Variants in CHKA observed in about 807,000 individuals in gnomAD.
CHKA encodes the protein CHETK-alpha.
CHKA carries 34 observed loss-of-function variants against 60.1 expected under a neutral mutation model. That is an observed-to-expected ratio of 0.57 (90% CI 0.43 to 0.75). CHKA has a LOEUF of 0.75. Among genes scored for constraint, CHKA ranks in the 30% least tolerant of loss-of-function variants. CHKA has a pLI of 0.00. For synonymous variants in CHKA, 217 were observed against 223.1 expected, an observed-to-expected ratio of 0.97 and a Z score of 0.24; for missense variants, 563 against 561.3, an observed-to-expected ratio of 1.00 and a Z score of -0.03.
intron 1 of CHKA, among the ~76,000 whole-genome samples, chr11:68,102,560 A>G (rs1857765460): frequency 6.6e-6 from 1 of 152,242 alleles, no homozygotes; most frequent in African/African-American, 2.4e-5. Context: ...TCCAAAATGG[A>G]TCGAAAACTT....
intron 2 of CHKA, among the ~76,000 whole-genome samples, chr11:68,091,998 A>G (rs1857364249): frequency 6.6e-6 from 1 of 152,210 alleles, no homozygotes; most frequent in Admixed American, 6.5e-5. Flanking sequence ...AGTAGACTTC[A>G]ATTAACATTT....
chr11:68,073,879 C>T (rs528116367), intron 4 of CHKA, among the ~76,000 whole-genome samples: 129 of 152,238 alleles, frequency 8.5e-4, no homozygotes, highest in Non-Finnish European at 1.5e-3. Context: ...GATTCTAGTC[C>T]TCAAGGAACT....
chr11:68,061,209 C>T (rs931384332), intron 11 of CHKA, among the ~76,000 whole-genome samples: 6 of 145,038 alleles, frequency 4.1e-5, no homozygotes, highest in Non-Finnish European at 5.9e-5. Context: ...TGGGTTCAAG[C>T]GGTTCTCCTG....
intron 11 of CHKA, among the ~76,000 whole-genome samples, chr11:68,061,192 C>T (rs1221851408): frequency 6.7e-6 from 1 of 148,978 alleles, no homozygotes; most frequent in Non-Finnish European, 1.5e-5. Flanking sequence ...CTGCAACCTC[C>T]ACCTCCTGGG....
At chr11:68,055,101 T>C (rs1189781480) in intron 11 of CHKA, among the ~76,000 whole-genome samples, 1 of 152,134 alleles carries the variant, frequency 6.6e-6, no homozygotes, top group Admixed American at 6.6e-5. Context: ...CGATTATAAA[T>C]GAAGGTGCAG....
At position 68,102,401 on chromosome 11, in the gene CHKA, C is replaced by T. The variant is rs185166100; in HGVS notation, c.351-5271G>A. Among the ~76,000 whole-genome samples, 224 of 152,234 alleles carry T rather than the reference C, an allele frequency of 1.5e-3. 1 individual carries two copies. Among genetic ancestry groups the T allele is most frequent in the Non-Finnish European group, 1.9e-3 (131 of 68,012 alleles). ...CAGAATAAAAGCCCACAAATTAATCCACACTTACAGCTACCTGATTTTCAA... is the reference window on the plus strand; with the variant it reads ...CAGAATAAAAGCCCACAAATTAATCTACACTTACAGCTACCTGATTTTCAA... On this transcript the variant is annotated intron_variant, in intron 1 of 11. Coordinates refer to ENST00000265689, the MANE Select transcript of CHKA (RefSeq NM_001277.3).
At chr11:68,103,757 C>CA (rs1307353590) in intron 1 of CHKA, among the ~76,000 whole-genome samples, 1 of 151,270 alleles carries the variant, frequency 6.6e-6, no homozygotes, top group East Asian at 1.9e-4. Flanking sequence ...ATTAAAAAAA[C>CA]AAAAAAATTA....
At chr11:68,116,887 C>CGAAGAG in intron 1 of CHKA, among the ~76,000 whole-genome samples, 1 of 152,164 alleles carries the variant, frequency 6.6e-6, no homozygotes, top group Middle Eastern at 3.4e-3. Flanking sequence ...TTCCCTATAC[C>CGAAGAG]ACTCATAGTT....
At chr11:68,078,174 C>G (rs996938146) in intron 3 of CHKA, among the ~76,000 whole-genome samples, 8 of 152,162 alleles carry the variant, frequency 5.3e-5, no homozygotes, top group African/African-American at 1.9e-4. Flanking sequence ...AAACACTATC[C>G]CCACAGCAAT....
At chr11:68,096,449 C>G (rs951003168) in intron 2 of CHKA, among the ~76,000 whole-genome samples, 1 of 152,036 alleles carries the variant, frequency 6.6e-6, no homozygotes, top group Non-Finnish European at 1.5e-5. Context: ...TAAACCCAGA[C>G]AAGTTGGGAT....
chr11:68,062,019 A>G lies in CHKA; in HGVS notation c.1248T>C (p.Ser416=), dbSNP rs1396463079. 18 of 1,593,864 alleles carry G rather than the reference A, an allele frequency of 1.1e-5. No homozygotes were observed. Among genetic ancestry groups the G allele is most frequent in the Non-Finnish European group, 1.5e-5 (18 of 1,169,030 alleles). ...LLEVNRFALA[S]HFLWGLWSIV... ...TGGACCACAGTCCCCAGAGGAAATG[A>G]GATGCAAGGGCAAACCTGGAATGAT... Residue 416 remains serine, a synonymous_variant, in exon 11 of 12, where the codon TCT becomes TCC. Coordinates refer to ENST00000265689, the MANE Select transcript of CHKA (RefSeq NM_001277.3).
chr11:68,095,924 C>T (rs1857500008), intron 2 of CHKA, among the ~76,000 whole-genome samples: 1 of 149,976 alleles, frequency 6.7e-6, no homozygotes, highest in African/African-American at 2.5e-5. Flanking sequence ...CCCATAATCC[C>T]AGCTACTCGG....
In CHKA at chr11:68,121,354, G is replaced by C. The variant is rs1193761214; in HGVS notation, c.-177C>G. The stretch of plus-strand genomic sequence containing the variant: ...GCGGCGACTGCGGCGACTGTGGAGC[G>C]GGGATGTGCTGCTGGCCGCTGCACT... On this transcript the variant is annotated 5_prime_UTR_variant, in exon 1 of 12. Coordinates refer to ENST00000265689, the MANE Select transcript of CHKA (RefSeq NM_001277.3). 3.6e-5 allele frequency: 6 copies of C among 165,588 alleles called. No homozygotes were observed. The highest frequency in any genetic ancestry group is 6.2e-5 in the Non-Finnish European group (6 of 96,016). 10.3% of individuals were successfully genotyped at this position (165,588 alleles called of 1,614,324 possible). A position where few individuals can be genotyped will look rare whatever the true frequency, so the allele number is the denominator to read the frequency against.
chr11:68,095,806 G>A (rs1300168107), intron 2 of CHKA, among the ~76,000 whole-genome samples: 3 of 150,912 alleles, frequency 2.0e-5, no homozygotes, highest in Non-Finnish European at 4.4e-5. Context: ...CCGCGAGAGG[G>A]TGAGGCGGGC....
At chr11:68,105,686 A>G (rs1483537295) in intron 1 of CHKA, among the ~76,000 whole-genome samples, 1 of 152,170 alleles carries the variant, frequency 6.6e-6, no homozygotes, top group Admixed American at 6.5e-5. Context: ...GCTTAGGCAG[A>G]TGACAAACCT....
Position 68,120,991 on chromosome 11 carries a change from G to A in CHKA, c.187C>T (p.Leu63=). Residue 63 remains leucine, a synonymous_variant, in exon 1 of 12, where the codon CTG becomes TTG. Coordinates refer to ENST00000265689, the MANE Select transcript of CHKA (RefSeq NM_001277.3). ...PPLALPPPPP[L]PLPLPLPQPP... ...TGGGGCAGCGGCAGCGGCAGCGGCA[G>A]CGGCGGCGGAGGGGGCAGCGCGAGC... The A allele has an allele frequency of 1.8e-6, 2 of 1,121,120 alleles. No individual in the cohort carries two copies. The highest frequency in any genetic ancestry group is 2.2e-6 in the Non-Finnish European group (2 of 917,406). 69.4% of individuals were successfully genotyped at this position (1,121,120 alleles called of 1,614,324 possible). A position where few individuals can be genotyped will look rare whatever the true frequency, so the allele number is the denominator to read the frequency against.
rs557635107 is a variant in CHKA, at chr11:68,112,472, C to T, written c.350+8356G>A. 2.3e-4 allele frequency among the ~76,000 whole-genome samples: 35 copies of T among 152,244 alleles called. 1 individual carries two copies. The South Asian group carries it at 7.3e-3, about 32-fold the overall frequency. ...ACAGAGTTTCACCATGTTGGCCAGG[C>T]TGGTCTCAAACTCCTGACCTCAGGT... On this transcript the variant is annotated intron_variant, in intron 1 of 11. Transcript: ENST00000265689.
Position 68,100,638 on chromosome 11 carries a change from A to G in CHKA, c.351-3508T>C, listed in dbSNP as rs577504237. On this transcript the variant is annotated intron_variant, in intron 1 of 11. Coordinates refer to ENST00000265689, the MANE Select transcript of CHKA (RefSeq NM_001277.3). Reference sequence around the variant, plus strand: ...ATAAATAAATAAATAAATAAATACAAGAGCGAAACATCATCTCCAATAAAT... The same window carrying G: ...ATAAATAAATAAATAAATAAATACAGGAGCGAAACATCATCTCCAATAAAT... Among the ~76,000 whole-genome samples, 110 of 146,014 alleles carry G rather than the reference A, an allele frequency of 7.5e-4. 1 individual carries two copies. Among genetic ancestry groups the G allele is most frequent in the African/African-American group, 2.5e-3 (98 of 38,996 alleles).
At chr11:68,077,154 C>T (rs1332015718) in intron 3 of CHKA, among the ~76,000 whole-genome samples, 5 of 152,090 alleles carry the variant, frequency 3.3e-5, no homozygotes, top group South Asian at 2.1e-4. Flanking sequence ...GCAGGAGAAT[C>T]GCCTGAACAT....
Sources: allele counts gnomAD v4.1 joint callset (sites outside exome capture counted in the v4.1 genomes callset), GRCh38; gene constraint gnomAD v4.1.1; transcripts MANE v1.5; gene names NCBI Gene and HGNC (gene_info 2026-07-23, HGNC 2026-07-21).